Variants in WDR12 observed in about 807,000 individuals in gnomAD.
WDR12 encodes WD repeat domain 12.
In WDR12, 42 loss-of-function variants were observed where a neutral mutation model predicts 64.3. The ratio of observed to expected loss-of-function variants is 0.65; its 90% CI spans 0.51 to 0.84. The LOEUF (loss-of-function observed/expected upper bound fraction) is 0.84, where lower values mean the gene tolerates loss of function less well. WDR12 is among the 40% of genes least tolerant of loss of function. WDR12 has a pLI of 0.00. For synonymous variants in WDR12, 158 were observed against 173.3 expected (o/e 0.91, Z 0.70); for missense variants, 469 against 494.6 (o/e 0.95, Z 0.49).
At chr2:202,883,284 C>T (rs182116390) in intron 11 of WDR12, among the ~76,000 whole-genome samples, 79 of 152,158 alleles carry the variant, frequency 5.2e-4, no homozygotes, top group Non-Finnish European at 9.3e-4. Context: ...TACAGGAGTG[C>T]GCCATCATGC....
chr2:202,909,174 C>T (rs139927855), intron 1 of WDR12, among the ~76,000 whole-genome samples: 5 of 152,292 alleles, frequency 3.3e-5, no homozygotes, highest in African/African-American at 1.2e-4. Context: ...GACCCAAAAA[C>T]TCCACTCCTA....
In WDR12 at chr2:202,877,851, G is replaced by A. The variant is rs1303029582; in HGVS notation, c.*3009C>T. ...ACTCATTTATCCAAGTGATTCTTGG[G>A]AATATATAAGTCCATGTAAAGCAGG... On this transcript the variant is annotated 3_prime_UTR_variant, in exon 13 of 13. Transcript: ENST00000261015. 1.3e-5 allele frequency: 2 copies of A among 152,214 alleles called. No individual in the cohort carries two copies. Among genetic ancestry groups the A allele is most frequent in the Non-Finnish European group, 2.9e-5 (2 of 68,050 alleles). The allele number at this position is 152,214 out of a possible 1,614,324, so 9.4% of individuals were successfully genotyped here.
intron 8 of WDR12, among the ~76,000 whole-genome samples, chr2:202,890,991 C>A (rs1242753323): frequency 9.8e-4 from 68 of 69,272 alleles, no homozygotes; most frequent in Non-Finnish European, 1.7e-3. Flanking sequence ...AAGACTTTGT[C>A]TCTTTAAAAA....
chr2:202,892,632 C>A lies in WDR12; in HGVS notation c.726G>T (p.Gln242His). The A allele has an allele frequency of 1.2e-6, 2 of 1,612,978 alleles. No individual in the cohort carries two copies. The highest frequency in any genetic ancestry group is 1.7e-6 in the Non-Finnish European group (2 of 1,179,268). Residue 242 changes from glutamine to histidine, a missense_variant, in exon 8 of 13, where the codon CAG (glutamine) becomes CAT (histidine). Physicochemically the swap from Gln to His is conservative, Grantham distance 24 (BLOSUM62 0). Transcript: ENST00000261015. The stretch of plus-strand genomic sequence containing the variant: ...AAATACTGACCCTTGTTAGTCCCAA[C>A]TGTTCTGTCTTCTGTTTCTTTCTTG... ...NRPRKKQKTE[Q>H]LGLTRTPIVT...
At position 202,892,660 on chromosome 2, in the gene WDR12, C is replaced by T. The variant is rs1171753346; in HGVS notation, c.698G>A (p.Arg233Gln). Residue 233 changes from arginine to glutamine, a missense_variant, in exon 8 of 13, where the codon CGA becomes CAA. Coordinates refer to ENST00000261015, the MANE Select transcript of WDR12 (RefSeq NM_018256.4). ...EEDEMEESTN[R>Q]PRKKQKTEQL... is the part of the protein sequence containing the mutation. Reference sequence around the variant, plus strand: ...TTCTGTCTTCTGTTTCTTTCTTGGTCGATTTGTGGACTCCTCCATTTCATC... The same window carrying T: ...TTCTGTCTTCTGTTTCTTTCTTGGTTGATTTGTGGACTCCTCCATTTCATC... 3 of 1,613,068 alleles carry T rather than the reference C, an allele frequency of 1.9e-6. No homozygotes were observed. The highest frequency in any genetic ancestry group is 1.6e-4 in the Middle Eastern group (1 of 6,062).
At chr2:202,904,835 C>G (rs917724697) in intron 2 of WDR12, among the ~76,000 whole-genome samples, 2 of 152,130 alleles carry the variant, frequency 1.3e-5, no homozygotes, top group African/African-American at 4.8e-5. Context: ...GCGATCCCAT[C>G]AGGTTAAAAA....
chr2:202,903,860 G>A (rs1559164041), intron 2 of WDR12, among the ~76,000 whole-genome samples: 1 of 152,070 alleles, frequency 6.6e-6, no homozygotes, highest in Non-Finnish European at 1.5e-5. Context: ...GAAGAGGGCT[G>A]GGTGCAGTGG....
chr2:202,890,064 A>C (rs1341331914), intron 8 of WDR12, among the ~76,000 whole-genome samples: 1 of 150,992 alleles, frequency 6.6e-6, no homozygotes, highest in Non-Finnish European at 1.5e-5. Context: ...CAATATCTAC[A>C]AAAAAAAAGA....
rs753670477 is a variant in WDR12, at chr2:202,892,582, T to C, written c.741+35A>G. ...TACCATCTATTTGTCAACACAGGCC[T>C]AAGGCAAGTACAGTCAGTTCTCACA... On this transcript the variant is annotated intron_variant, in intron 8 of 12. Transcript: ENST00000261015. 17 of 1,497,102 alleles carry C rather than the reference T, an allele frequency of 1.1e-5. No homozygotes were observed. In the Admixed American group the frequency reaches 1.4e-4, roughly 12 times the overall value. The allele number at this position is 1,497,102 out of a possible 1,614,324, so 92.7% of individuals were successfully genotyped here. A position where few individuals can be genotyped will look rare whatever the true frequency, so the allele number is the denominator to read the frequency against.
At chr2:202,903,828 T>G (rs1199322859) in intron 2 of WDR12, among the ~76,000 whole-genome samples, 1 of 151,770 alleles carries the variant, frequency 6.6e-6, no homozygotes, top group Middle Eastern at 3.2e-3. Flanking sequence ...ACAAAAACTA[T>G]AAAACATCGA....
intron 5 of WDR12, among the ~76,000 whole-genome samples, chr2:202,896,728 C>T (rs969217918): frequency 3.3e-5 from 5 of 151,836 alleles, no homozygotes; most frequent in Non-Finnish European, 5.9e-5. Flanking sequence ...GTGGCTCACG[C>T]CTGTAATCCC....
At chr2:202,888,933 C>T (rs1688097830) in intron 8 of WDR12, among the ~76,000 whole-genome samples, 1 of 152,112 alleles carries the variant, frequency 6.6e-6, no homozygotes, top group Non-Finnish European at 1.5e-5. Context: ...TGGTCTCAAA[C>T]TCCTAGGCTC....
chr2:202,900,970 T>G, intron 3 of WDR12, 55 bp downstream of exon 3: 1 of 1,455,492 alleles, frequency 6.9e-7, no homozygotes, highest in South Asian at 1.3e-5. Context: ...GGAGTTTACC[T>G]ACAATAGCCG....
chr2:202,908,470 T>G (rs1283930184), intron 1 of WDR12, among the ~76,000 whole-genome samples: 3 of 151,922 alleles, frequency 2.0e-5, no homozygotes, highest in Non-Finnish European at 2.9e-5. Context: ...AAAAGAGAAG[T>G]GAGTTTTTGC....
rs758362011 is a variant in WDR12 at position 202,901,131 on chromosome 2, A to G, written c.137-12T>C. Reference sequence around the variant, plus strand: ...ATGTTTGTGGAACTCTGAGGAAAATACATAACAAAATTATCACTCTTAGTG... The same window carrying G: ...ATGTTTGTGGAACTCTGAGGAAAATGCATAACAAAATTATCACTCTTAGTG... On this transcript the variant is annotated splice_polypyrimidine_tract_variant and intron_variant, in intron 2 of 12. Transcript: ENST00000261015. 6.3e-7 allele frequency: 1 copy of G among 1,580,344 alleles called. No homozygotes were observed. The highest frequency in any genetic ancestry group is 8.7e-7 in the Non-Finnish European group (1 of 1,155,582).
At chr2:202,898,342 G>A (rs1458750959) in intron 4 of WDR12, among the ~76,000 whole-genome samples, 1 of 152,082 alleles carries the variant, frequency 6.6e-6, no homozygotes, top group Non-Finnish European at 1.5e-5. Context: ...GGTAGAGACA[G>A]GTTTCAATAT....
chr2:202,896,937 A>C (rs2105908588), intron 5 of WDR12, among the ~76,000 whole-genome samples: 1 of 152,320 alleles, frequency 6.6e-6, no homozygotes, highest in South Asian at 2.1e-4. Flanking sequence ...CAGTGAGCCG[A>C]GATCATGCCA....
At position 202,897,407 on chromosome 2, in the gene WDR12, G is replaced by A. The variant is rs764681167; in HGVS notation, c.347C>T (p.Thr116Ile). 14 of 1,534,196 alleles carry A rather than the reference G, an allele frequency of 9.1e-6. No homozygotes were observed. The highest frequency in any genetic ancestry group is 2.3e-5 in the Admixed American group (1 of 43,942). Residue 116 changes from threonine (T) to isoleucine (I), a missense_variant, in exon 5 of 13, where the codon ACT becomes ATT. Physicochemically the swap from Thr to Ile is moderately conservative, Grantham distance 89 (BLOSUM62 -1). Coordinates refer to ENST00000261015, the MANE Select transcript of WDR12 (RefSeq NM_018256.4). ...CCGAGAAGTCTTATCATAAGAACCA[G>A]TCAAGATCCTATGAGAAAAAAAAAT... ...SIKGAEEWILTGSYDKTSRIW... is the reference protein window; with the variant it reads ...SIKGAEEWILIGSYDKTSRIW...
intron 6 of WDR12, among the ~76,000 whole-genome samples, chr2:202,895,655 T>C (rs1023520832): frequency 3.3e-5 from 5 of 150,988 alleles, no homozygotes; most frequent in African/African-American, 1.2e-4. Flanking sequence ...CCCGAGTAGC[T>C]GGGATTACAG....
Sources: gnomAD v4.1 joint callset for allele counts (sites outside exome capture counted in the v4.1 genomes callset) on GRCh38, gnomAD v4.1.1 for gene constraint, MANE v1.5 for transcripts, NCBI Gene and HGNC (gene_info 2026-07-23, HGNC 2026-07-21) for gene names.